LRRC57: variants seen among roughly 807,000 people sequenced by gnomAD.
LRRC57 encodes leucine-rich repeat-containing protein 57.
Under a neutral mutation model 23.1 loss-of-function variants are expected in LRRC57, and 14 were observed. The ratio of observed to expected loss-of-function variants is 0.61; its 90% confidence interval spans 0.40 to 0.95. LRRC57 has a LOEUF of 0.95. Among genes scored for constraint, LRRC57 ranks in the 40% least tolerant of loss-of-function variants. The pLI is 0.00. For missense variants in LRRC57, 236 were observed against 284.4 expected, an observed-to-expected ratio of 0.83 and a Z score of 1.22; for synonymous variants, 106 against 115.2, an observed-to-expected ratio of 0.92 and a Z score of 0.51.
the LRRC57 span, chr15:42,528,472 T>C: frequency 3.8e-6 from 6 of 1,567,098 alleles, no homozygotes; most frequent in Admixed American, 8.4e-5. Flanking sequence ...AATGGTTCAC[T>C]TAGGAGATGA....
In LRRC57 at chr15:42,540,922, C is replaced by G. The variant is rs1166934125; in HGVS notation, c.*3161G>C. 1 of 151,888 alleles carries G rather than the reference C, an allele frequency of 6.6e-6. No homozygotes were observed. Among genetic ancestry groups the G allele is most frequent in the Non-Finnish European group, 1.5e-5 (1 of 68,054 alleles). The allele number at this position is 151,888 out of a possible 1,614,324, so 9.4% of individuals were successfully genotyped here. A position where few individuals can be genotyped will look rare whatever the true frequency, so the allele number is the denominator to read the frequency against. On this transcript the variant is annotated 3_prime_UTR_variant, in exon 6 of 6. Coordinates refer to ENST00000397130, the MANE Select transcript of LRRC57 (RefSeq NM_153260.3). The stretch of plus-strand genomic sequence containing the variant: ...GTGCGCCTGCCTGTAGTACCAGCTA[C>G]TCAGGAGGCTGAGGCAGGAGAATTG...
Position 42,548,254 on chromosome 15 carries a change from G to A in LRRC57, c.85-10C>T. On this transcript the variant is annotated splice_polypyrimidine_tract_variant and intron_variant, in intron 2 of 5. Coordinates refer to ENST00000397130, the MANE Select transcript of LRRC57 (RefSeq NM_153260.3). ...GCAAGTCTGCGGGGAACTGGAGAAA[G>A]GAGTTCACAGCGTGGGGAATCCCGC... 6.2e-7 allele frequency: 1 copy of A among 1,614,198 alleles called. No individual in the cohort carries two copies. Among genetic ancestry groups the A allele is most frequent in the African/African-American group, 1.3e-5 (1 of 75,052 alleles).
At chr15:42,545,044 T>G in intron 5 of LRRC57, 33 bp downstream of exon 5, 1 of 1,462,992 alleles carries the variant, frequency 6.8e-7, no homozygotes, top group Non-Finnish European at 9.3e-7. Flanking sequence ...TCTGGGGTAG[T>G]GACTAGAAAT....
chr15:42,529,287 T>C, the LRRC57 span, among the ~76,000 whole-genome samples: 1 of 152,210 alleles, frequency 6.6e-6, no homozygotes, highest in African/African-American at 2.4e-5. Context: ...TTAGATAGAC[T>C]TAACTGTGCA....
chr15:42,548,610 C>T lies in LRRC57; in HGVS notation c.-23+83G>A. 2 of 662,608 alleles carry T rather than the reference C, an allele frequency of 3.0e-6. 1 individual carries two copies. The highest frequency in any genetic ancestry group is 5.1e-6 in the Non-Finnish European group (2 of 393,220). The allele number at this position is 662,608 out of a possible 1,614,324, so 41.0% of individuals were successfully genotyped here. On this transcript the variant is annotated intron_variant, in intron 1 of 5. Coordinates refer to ENST00000397130, the MANE Select transcript of LRRC57 (RefSeq NM_153260.3). ...GAAACGGAAGAACACACAGCCCGAC[C>T]ACCAAGCCCTGCCGCCTTTGCAGCT... is the stretch of plus-strand genomic sequence containing the variant.
chr15:42,544,268 A>G, intron 5 of LRRC57, 144 bp from the exon 6 acceptor site: 2 of 660,042 alleles, frequency 3.0e-6, no homozygotes, highest in Non-Finnish European at 5.1e-6. Flanking sequence ...TGCAAAATGA[A>G]TTACATAGTT....
rs1327548022 is a variant in LRRC57 at position 42,539,837 on chromosome 15, G to A, written c.*4246C>T. On this transcript the variant is annotated 3_prime_UTR_variant, in exon 6 of 6. Transcript: ENST00000397130. Reference sequence around the variant, plus strand: ...TGAGAAGTGCTATAGTAACAGATGGGTGAGCAGTTAATTCGGCTTAGACGC... The same window carrying A: ...TGAGAAGTGCTATAGTAACAGATGGATGAGCAGTTAATTCGGCTTAGACGC... 6.6e-6 allele frequency: 1 copy of A among 152,216 alleles called. No individual in the cohort carries two copies. The highest frequency in any genetic ancestry group is 2.4e-5 in the African/African-American group (1 of 41,448). 9.4% of individuals were successfully genotyped at this position (152,216 alleles called of 1,614,324 possible). A position where few individuals can be genotyped will look rare whatever the true frequency, so the allele number is the denominator to read the frequency against.
chr15:42,536,356 A>G (rs776431291), downstream of LRRC57, among the ~76,000 whole-genome samples: 4 of 152,222 alleles, frequency 2.6e-5, no homozygotes, highest in South Asian at 8.3e-4. Context: ...ATAGCATTGT[A>G]TTGCATAGAG....
rs2057681793 is a variant in LRRC57, at chr15:42,548,743, G to A, written c.-73C>T. ...CTCCGCAGGTGAAGACCCAGGACCC[G>A]CAGTAGCCGGGATGCGCTCCCCGGC... On this transcript the variant is annotated 5_prime_UTR_variant, in exon 1 of 6. Transcript: ENST00000397130. 18 of 689,448 alleles carry A rather than the reference G, an allele frequency of 2.6e-5. No individual in the cohort carries two copies. The highest frequency in any genetic ancestry group is 3.9e-5 in the Non-Finnish European group (16 of 414,148). The allele number at this position is 689,448 out of a possible 1,614,324, so 42.7% of individuals were successfully genotyped here.
intron 3 of LRRC57, 74 bp downstream of exon 3, chr15:42,548,032 A>T: frequency 1.3e-6 from 2 of 1,539,694 alleles, no homozygotes; most frequent in Non-Finnish European, 1.8e-6. Flanking sequence ...CAAAAACAAA[A>T]ATCAGCTTGT....
chr15:42,547,123 G>C (rs563961669), intron 4 of LRRC57, 138 bp downstream of exon 4: 1 of 915,568 alleles, frequency 1.1e-6, no homozygotes, highest in African/African-American at 1.7e-5. Context: ...AATTAGTTCA[G>C]CCTATAGAAG....
chr15:42,538,273 A>G lies in LRRC57; in HGVS notation c.*5810T>C, dbSNP rs1243900448. 6.6e-6 allele frequency: 1 copy of G among 152,210 alleles called. No individual in the cohort carries two copies. The highest frequency in any genetic ancestry group is 1.5e-5 in the Non-Finnish European group (1 of 68,036). The allele number at this position is 152,210 out of a possible 1,614,324, so 9.4% of individuals were successfully genotyped here. On this transcript the variant is annotated 3_prime_UTR_variant, in exon 6 of 6. Transcript: ENST00000397130. ...CTTACCAAAACTTCAGGTTATCCCA[A>G]TTACATTCCTAATCAGATTTTATTT...
chr15:42,532,372 A>T, the LRRC57 span: 2 of 152,060 alleles, frequency 1.3e-5, no homozygotes, highest in African/African-American at 4.8e-5. Context: ...GGCGTGAGCC[A>T]CTGTGCCTGG....
the LRRC57 span, chr15:42,532,649 A>G: frequency 1.3e-5 from 2 of 152,624 alleles, no homozygotes; most frequent in African/African-American, 2.4e-5. Flanking sequence ...TTTTTTGGAA[A>G]AGTTTGACAA....
intron 5 of LRRC57, 21 bp downstream of exon 5, chr15:42,545,056 C>A: frequency 6.5e-7 from 1 of 1,531,168 alleles, no homozygotes; most frequent in Non-Finnish European, 8.8e-7. Flanking sequence ...ACTAGAAATG[C>A]AGAAGTACAT....
the LRRC57 span, among the ~76,000 whole-genome samples, chr15:42,528,588 TTTG>T: frequency 9.9e-5 from 15 of 152,096 alleles, no homozygotes; most frequent in African/African-American, 3.6e-4. Flanking sequence ...GTTTTTTTTA[TTTG>T]TTGTTTTGTT....
rs57349778 is a variant in LRRC57 at position 42,540,093 on chromosome 15, G to C, written c.*3990C>G. The C allele has an allele frequency of 0.047, 7,088 of 152,122 alleles. 556 individuals are homozygous for C. Among genetic ancestry groups the C allele is most frequent in the African/African-American group, 0.16 (6,568 of 41,374 alleles). 9.4% of individuals were successfully genotyped at this position (152,122 alleles called of 1,614,324 possible). ...TGCCTGTAATCCCAGCTACTCAGGA[G>C]GCTGAGGCAGGAGAATCACTTGAAC... On this transcript the variant is annotated 3_prime_UTR_variant, in exon 6 of 6. Transcript: ENST00000397130.
chr15:42,532,317 C>T, the LRRC57 span: 15 of 152,158 alleles, frequency 9.9e-5, 1 homozygote, highest in Admixed American at 9.8e-4. Context: ...GGACTCCTGA[C>T]GTCGTGATCC....
rs755194692 is a variant in LRRC57 at position 42,547,510 on chromosome 15, T to C, written c.243A>G (p.Ile81Met). 5.6e-6 allele frequency: 9 copies of C among 1,611,968 alleles called. No individual in the cohort carries two copies. In the South Asian group the frequency reaches 7.7e-5, roughly 14 times the overall value. ...NNKLTVLPDE[I>M]CNLKKLETLS... Reference sequence around the variant, plus strand: ...GCGTCTCTAGTTTTTTCAGATTGCATATCTCATCAGGCAGAACAGCTGGCA... The same window carrying C: ...GCGTCTCTAGTTTTTTCAGATTGCACATCTCATCAGGCAGAACAGCTGGCA... The change falls in exon 4 of 6, where the codon ATA (isoleucine) becomes ATG (methionine). Residue 81 changes from isoleucine (I) to methionine (M), a missense_variant. By Grantham distance (10) the Ile-to-Met change is conservative (BLOSUM62 1). Coordinates refer to ENST00000397130, the MANE Select transcript of LRRC57 (RefSeq NM_153260.3).
Sources: gnomAD v4.1 joint callset for allele counts (sites outside exome capture counted in the v4.1 genomes callset) on GRCh38, gnomAD v4.1.1 for gene constraint, MANE v1.5 for transcripts, NCBI Gene and HGNC (gene_info 2026-07-23, HGNC 2026-07-21) for gene names.